The following GRHL2 variants were observed in gnomAD, a reference collection of about 807,000 sequenced individuals.
GRHL2 encodes the protein grainyhead like transcription factor 2.
GRHL2 carries 21 observed loss-of-function variants against 83.8 expected under a neutral mutation model. The ratio of observed to expected loss-of-function variants is 0.25; its 90% CI spans 0.18 to 0.36. The LOEUF (loss-of-function observed/expected upper bound fraction) is 0.36. GRHL2 is among the 10% of genes least tolerant of loss of function. The pLI, the probability that GRHL2 is intolerant of heterozygous loss-of-function variation, is 1.00. For synonymous variants in GRHL2, 280 were observed against 278.9 expected (o/e 1.00, Z -0.04); for missense variants, 623 against 781.8 (o/e 0.80, Z 2.42).
chr8:101,562,357 G>A, intron 4 of GRHL2: 1 of 673,826 alleles, frequency 1.5e-6, no homozygotes, highest in Non-Finnish European at 2.4e-6. Context: ...TTGGAGGATT[G>A]TGCTTCTTTT....
chr8:101,524,547 T>TA (rs1039973974), intron 1 of GRHL2, among the ~76,000 whole-genome samples: 105 of 151,152 alleles, frequency 6.9e-4, no homozygotes, highest in East Asian at 6.8e-3. Flanking sequence ...GAGTTCTAAT[T>TA]AAAAAAAAAG....
intron 8 of GRHL2, among the ~76,000 whole-genome samples, chr8:101,612,500 G>GATAC (rs1430088459): frequency 1.7e-5 from 2 of 120,728 alleles, no homozygotes; most frequent in East Asian, 2.3e-4. Flanking sequence ...TAGATAGATA[G>GATAC]ATAGATAGAT....
intron 4 of GRHL2, chr8:101,562,599 A>G (rs1363326077): frequency 1.1e-5 from 2 of 179,026 alleles, no homozygotes; most frequent in Non-Finnish European, 2.3e-5. Context: ...ACTGATATCC[A>G]GCCATACTGG....
chr8:101,614,832 TC>T (rs1300214752), intron 8 of GRHL2, among the ~76,000 whole-genome samples: 2 of 152,214 alleles, frequency 1.3e-5, no homozygotes, highest in African/African-American at 2.4e-5. Flanking sequence ...CAGTTAAAGT[TC>T]AACCATTTGG....
At chr8:101,585,824 C>T (rs1188967460) in intron 7 of GRHL2, among the ~76,000 whole-genome samples, 1 of 152,140 alleles carries the variant, frequency 6.6e-6, no homozygotes, top group African/African-American at 2.4e-5. Flanking sequence ...CATAATTGAG[C>T]CACTGTGGGT....
chr8:101,653,379 C>T (rs1813713622), intron 14 of GRHL2, among the ~76,000 whole-genome samples: 1 of 152,194 alleles, frequency 6.6e-6, no homozygotes, highest in Non-Finnish European at 1.5e-5. Flanking sequence ...CAGGCCATCA[C>T]TTTGAACTCT....
rs1333705536 is a variant in GRHL2 at position 101,529,837 on chromosome 8, A to C, written c.21-13404A>C. Among the ~76,000 whole-genome samples, 6 of 152,206 alleles carry C rather than the reference A, an allele frequency of 3.9e-5. No homozygotes were observed. In the East Asian group the frequency reaches 1.2e-3, roughly 29 times the overall value. ...GAAGCTCTGGCCACAGGCTCTGAGGATGCCTGGAGGGTCCTTTGTATATAT... is the reference window on the plus strand; with the variant it reads ...GAAGCTCTGGCCACAGGCTCTGAGGCTGCCTGGAGGGTCCTTTGTATATAT... On this transcript the variant is annotated intron_variant, in intron 1 of 15. Coordinates refer to ENST00000646743, the MANE Select transcript of GRHL2 (RefSeq NM_024915.4).
intron 1 of GRHL2, among the ~76,000 whole-genome samples, chr8:101,527,528 C>T (rs1395561934): frequency 6.6e-6 from 1 of 152,134 alleles, no homozygotes; most frequent in African/African-American, 2.4e-5. Context: ...AACTCTTCTC[C>T]TGTCACCTCT....
At chr8:101,549,043 AG>A (rs1811323757) in intron 2 of GRHL2, among the ~76,000 whole-genome samples, 1 of 151,952 alleles carries the variant, frequency 6.6e-6, no homozygotes, top group Non-Finnish European at 1.5e-5. Context: ...ACCATGTACA[AG>A]GTAGGCATAG....
At chr8:101,596,135 A>AT (rs2130303217) in intron 7 of GRHL2, among the ~76,000 whole-genome samples, 1 of 151,514 alleles carries the variant, frequency 6.6e-6, no homozygotes, top group South Asian at 2.1e-4. Flanking sequence ...ATAAAAATAA[A>AT]AAAAATAAAA....
chr8:101,603,709 A>G (rs1586136438), intron 8 of GRHL2, among the ~76,000 whole-genome samples: 3 of 152,316 alleles, frequency 2.0e-5, no homozygotes, highest in Middle Eastern at 3.4e-3. Context: ...CTTTCTGCAC[A>G]ATGACACATG....
chr8:101,617,512 T>G (rs751917925), intron 8 of GRHL2, among the ~76,000 whole-genome samples: 1 of 152,186 alleles, frequency 6.6e-6, no homozygotes, highest in African/African-American at 2.4e-5. Context: ...TTATTTTATT[T>G]ATTTATTTTG....
rs201483311 is a variant in GRHL2, at chr8:101,649,373, C to T, written c.1613-41C>T. ...CCCCTGGAGCAGCTGTGGAATTGTG[C>T]AGCCCCTCGGTCACGTGGCTCTCTT... On this transcript the variant is annotated intron_variant, in intron 13 of 15. Transcript: ENST00000646743. 3.5e-5 allele frequency: 52 copies of T among 1,497,328 alleles called. No homozygotes were observed. The East Asian group carries it at 9.0e-4, about 26-fold the overall frequency. The allele number at this position is 1,497,328 out of a possible 1,614,324, so 92.8% of individuals were successfully genotyped here. A position where few individuals can be genotyped will look rare whatever the true frequency, so the allele number is the denominator to read the frequency against.
chr8:101,639,383 C>T (rs1111882), intron 12 of GRHL2, among the ~76,000 whole-genome samples: 17,551 of 152,146 alleles, frequency 0.12, 2,169 homozygotes, highest in African/African-American at 0.32. Context: ...GGCTAGGCAC[C>T]GTGCTAAGTG....
Position 101,666,578 on chromosome 8 carries a change from C to T in GRHL2, c.1764-11C>T, listed in dbSNP as rs554032212. On this transcript the variant is annotated splice_polypyrimidine_tract_variant and intron_variant, in intron 15 of 15. Coordinates refer to ENST00000646743, the MANE Select transcript of GRHL2 (RefSeq NM_024915.4). The stretch of plus-strand genomic sequence containing the variant: ...TCTTTGTTTTTCACACCCCTCCCCC[C>T]TCCATGGCAGCATCTTGGTGAACAT... The T allele has an allele frequency of 1.2e-5, 18 of 1,542,082 alleles. No homozygotes were observed. Among genetic ancestry groups the T allele is most frequent in the African/African-American group, 5.4e-5 (4 of 73,536 alleles).
intron 4 of GRHL2, chr8:101,562,350 G>T: frequency 1.5e-6 from 1 of 668,112 alleles, no homozygotes; most frequent in Non-Finnish European, 2.5e-6. Context: ...CCTAGCTTTG[G>T]AGGATTGTGC....
chr8:101,563,223 C>A (rs551698022), intron 4 of GRHL2, among the ~76,000 whole-genome samples: 1 of 152,136 alleles, frequency 6.6e-6, no homozygotes, highest in Admixed American at 6.5e-5. Context: ...GGCTTCAGGA[C>A]CTAAATCCTT....
chr8:101,657,277 C>T (rs1813812768), intron 14 of GRHL2, among the ~76,000 whole-genome samples: 1 of 152,264 alleles, frequency 6.6e-6, no homozygotes, highest in Non-Finnish European at 1.5e-5. Flanking sequence ...CTGTTGTATG[C>T]CTCTGGAGAA....
At chr8:101,534,354 C>T (rs747509580) in intron 1 of GRHL2, among the ~76,000 whole-genome samples, 25 of 152,184 alleles carry the variant, frequency 1.6e-4, no homozygotes, top group Non-Finnish European at 2.6e-4. Flanking sequence ...AGTTCCTCAC[C>T]GGCTGTTTGT....
Sources: allele counts gnomAD v4.1 joint callset (sites outside exome capture counted in the v4.1 genomes callset), GRCh38; gene constraint gnomAD v4.1.1; transcripts MANE v1.5; gene names NCBI Gene and HGNC (gene_info 2026-07-23, HGNC 2026-07-21).